The following UBE2G2 variants were observed in gnomAD, a reference collection of about 807,000 sequenced individuals.
The protein encoded by UBE2G2 is ubiquitin conjugating enzyme E2 G2.
A neutral mutation model predicts 23.0 loss-of-function variants in UBE2G2; 10 were observed. The ratio of observed to expected loss-of-function variants is 0.43; its 90% CI spans 0.27 to 0.74. UBE2G2 has a LOEUF of 0.74. Among genes scored for constraint, UBE2G2 ranks in the 30% least tolerant of loss-of-function variants. UBE2G2 has a pLI of 0.19. For synonymous variants in UBE2G2, 86 were observed against 81.3 expected, an observed-to-expected ratio of 1.06 and a Z score of -0.31; for missense variants, 150 against 218.3, an observed-to-expected ratio of 0.69 and a Z score of 1.97.
chr21:44,774,954 T>C (rs528751232), intron 4 of UBE2G2: 19 of 329,934 alleles, frequency 5.8e-5, no homozygotes, highest in South Asian at 4.4e-4. Context: ...CACATTTAGT[T>C]CCCAAGTTGC....
At chr21:44,777,466 C>A in intron 3 of UBE2G2, 49 bp from the exon 4 acceptor site, 1 of 1,564,626 alleles carries the variant, frequency 6.4e-7, no homozygotes, top group South Asian at 1.1e-5. Flanking sequence ...CATTTTTCAA[C>A]GTCGACCACA....
At chr21:44,779,878 G>A (rs2082943312) in intron 3 of UBE2G2, among the ~76,000 whole-genome samples, 1 of 152,174 alleles carries the variant, frequency 6.6e-6, no homozygotes, top group South Asian at 2.1e-4. Context: ...TTCAAACTGC[G>A]AAATCAGAAG....
intron 3 of UBE2G2, among the ~76,000 whole-genome samples, chr21:44,779,835 G>C (rs2082943034): frequency 6.6e-6 from 1 of 152,218 alleles, no homozygotes; most frequent in South Asian, 2.1e-4. Context: ...CAAGGTCCTA[G>C]ATCAATTTAG....
chr21:44,793,122 T>G (rs1334789619), intron 1 of UBE2G2, among the ~76,000 whole-genome samples: 4 of 152,234 alleles, frequency 2.6e-5, no homozygotes, highest in African/African-American at 9.7e-5. Flanking sequence ...CATTCTTGTG[T>G]CTCAAGCCAA....
At chr21:44,778,121 C>CGGCACAG (rs2082927046) in intron 3 of UBE2G2, among the ~76,000 whole-genome samples, 1 of 152,218 alleles carries the variant, frequency 6.6e-6, no homozygotes, top group Non-Finnish European at 1.5e-5. Flanking sequence ...GTATGAATTA[C>CGGCACAG]GGCACAGGGT....
At chr21:44,787,606 G>A (rs190436567) in intron 3 of UBE2G2, among the ~76,000 whole-genome samples, 276 of 152,244 alleles carry the variant, frequency 1.8e-3, no homozygotes, top group African/African-American at 6.5e-3. Context: ...AGCCACCTAC[G>A]CCATTTGAGG....
At chr21:44,773,414 T>G (rs1601174961) in intron 5 of UBE2G2, 133 bp downstream of exon 5, 2 of 1,176,086 alleles carry the variant, frequency 1.7e-6, no homozygotes, top group East Asian at 5.3e-5. Flanking sequence ...CAGATAACAT[T>G]AAATGGCAAT....
intron 3 of UBE2G2, 55 bp from the exon 4 acceptor site, chr21:44,777,472 C>T (rs1461159770): frequency 1.7e-5 from 26 of 1,538,618 alleles, no homozygotes; most frequent in Admixed American, 3.4e-5. Context: ...TCAACGTCGA[C>T]CACAATTGAC....
chr21:44,777,783 G>A (rs144228548), intron 3 of UBE2G2, among the ~76,000 whole-genome samples: 2 of 152,232 alleles, frequency 1.3e-5, no homozygotes, highest in African/African-American at 4.8e-5. Context: ...ACTCAAGCCT[G>A]GGCGACAGAG....
chr21:44,801,538 G>T, intron 1 of UBE2G2, 168 bp downstream of exon 1: 1 of 1,133,324 alleles, frequency 8.8e-7, no homozygotes, highest in Non-Finnish European at 1.2e-6. Flanking sequence ...GCGTGAGAGT[G>T]GGCAGCGGGC....
intron 1 of UBE2G2, among the ~76,000 whole-genome samples, chr21:44,790,739 T>A (rs1046834125): frequency 6.6e-6 from 1 of 152,244 alleles, no homozygotes; most frequent in Non-Finnish European, 1.5e-5. Flanking sequence ...CTTTCCTTTA[T>A]AAATTATCCA....
chr21:44,778,606 C>T (rs2082931381), intron 3 of UBE2G2, among the ~76,000 whole-genome samples: 1 of 152,174 alleles, frequency 6.6e-6, no homozygotes, highest in South Asian at 2.1e-4. Flanking sequence ...TCCTCTTCTC[C>T]TACAAATCAC....
chr21:44,795,924 C>T (rs141280201), intron 1 of UBE2G2, among the ~76,000 whole-genome samples: 1 of 152,308 alleles, frequency 6.6e-6, no homozygotes, highest in Non-Finnish European at 1.5e-5. Flanking sequence ...AATTACACTA[C>T]CTCAAGCAAG....
Position 44,772,191 on chromosome 21 carries a change from G to A in UBE2G2, c.386-702C>T, listed in dbSNP as rs1255640049. The stretch of plus-strand genomic sequence containing the variant: ...TGCACGTGGGGACCGGTTCAGAGCA[G>A]AGTTGATGAGGATAAAACCCACAGC... On this transcript the variant is annotated intron_variant, in intron 5 of 5. Coordinates refer to ENST00000345496, the MANE Select transcript of UBE2G2 (RefSeq NM_003343.6). This position sits in a 1 kb window ranked among gnomAD's most constrained non-coding sequence, Gnocchi z 5.4. Among the ~76,000 whole-genome samples the A allele has an allele frequency of 6.6e-6, 1 of 152,162 alleles. No homozygotes were observed. Among genetic ancestry groups the A allele is most frequent in the East Asian group, 1.9e-4 (1 of 5,188 alleles).
At chr21:44,778,705 G>A (rs1441082263) in intron 3 of UBE2G2, among the ~76,000 whole-genome samples, 1 of 152,246 alleles carries the variant, frequency 6.6e-6, no homozygotes, top group Admixed American at 6.5e-5. Context: ...GACAGCGGCA[G>A]ACAACGAAAC....
At chr21:44,782,078 G>GA (rs1263116019) in intron 3 of UBE2G2, among the ~76,000 whole-genome samples, 2 of 151,970 alleles carry the variant, frequency 1.3e-5, no homozygotes, top group African/African-American at 4.8e-5. Flanking sequence ...ATTTAACTAG[G>GA]AAAATAAAAG....
At chr21:44,795,760 T>C (rs968050409) in intron 1 of UBE2G2, among the ~76,000 whole-genome samples, 3 of 8,440 alleles carry the variant, frequency 3.6e-4, no homozygotes, top group Non-Finnish European at 5.7e-4. Flanking sequence ...AGAGGAAAAC[T>C]GGCCGTTTCT....
chr21:44,780,816 C>T (rs767658418), intron 3 of UBE2G2, among the ~76,000 whole-genome samples: 29 of 152,244 alleles, frequency 1.9e-4, no homozygotes, highest in Non-Finnish European at 3.4e-4. Flanking sequence ...AAGCGAAGAT[C>T]AGCCTCTTCT....
intron 3 of UBE2G2, among the ~76,000 whole-genome samples, chr21:44,784,336 G>T (rs1555961700): frequency 6.6e-6 from 1 of 152,068 alleles, no homozygotes; most frequent in African/African-American, 2.4e-5. Context: ...AATTCCACCT[G>T]AACTGTTTTA....
Sources: gnomAD v4.1 joint callset for allele counts (sites outside exome capture counted in the v4.1 genomes callset) on GRCh38, gnomAD v4.1.1 for gene constraint, Gnocchi (gnomAD v3.1) non-coding constraint, MANE v1.5 for transcripts, NCBI Gene and HGNC (gene_info 2026-07-23, HGNC 2026-07-21) for gene names.